The following RBAK variants were observed in gnomAD, a reference collection of about 807,000 sequenced individuals.
RBAK encodes RB-associated KRAB zinc finger protein.
Under a neutral mutation model 65.8 loss-of-function variants are expected in RBAK, and 39 were observed. The ratio of observed to expected loss-of-function variants is 0.59; its 90% confidence interval spans 0.46 to 0.77. RBAK has a LOEUF of 0.77. Among genes scored for constraint, RBAK ranks in the 30% least tolerant of loss-of-function variants. The pLI, the probability that RBAK is intolerant of heterozygous loss-of-function variation, is 0.00. For synonymous variants in RBAK, 343 were observed against 289.7 expected, an observed-to-expected ratio of 1.18 and a Z score of -1.87; for missense variants, 884 against 855.1, an observed-to-expected ratio of 1.03 and a Z score of -0.42.
At chr7:5,063,668 AGTTT>A in intron 4 of RBAK, 23 bp from the exon 5 acceptor site, 2 of 1,519,204 alleles carry the variant, frequency 1.3e-6, no homozygotes. Context: ...AGATTTACAA[AGTTT>A]GTTTACTATT....
intron 2 of RBAK, among the ~76,000 whole-genome samples, chr7:5,052,993 C>T (rs1788150414): frequency 6.6e-6 from 1 of 152,218 alleles, no homozygotes; most frequent in Admixed American, 6.5e-5. Flanking sequence ...CTCCTGACCT[C>T]AGGTGACCTG....
intron 2 of RBAK, among the ~76,000 whole-genome samples, chr7:5,050,333 C>A (rs1255571754): frequency 2.0e-5 from 3 of 152,154 alleles, no homozygotes; most frequent in Admixed American, 6.5e-5. Flanking sequence ...AAAAATATAT[C>A]TTTTATGCCT....
Position 5,064,808 on chromosome 7 carries a change from A to G in RBAK, c.1352A>G (p.His451Arg). 2 of 1,614,146 alleles carry G rather than the reference A, an allele frequency of 1.2e-6. No individual in the cohort carries two copies. The highest frequency in any genetic ancestry group is 1.7e-6 in the Non-Finnish European group (2 of 1,179,966). The change falls in exon 5 of 5, where the codon CAT (histidine) becomes CGT (arginine). Residue 451 changes from histidine (H) to arginine (R), a missense_variant. His to Arg is a conservative substitution (Grantham distance 29). Coordinates refer to ENST00000396912, the MANE Select transcript of RBAK (RefSeq NM_021163.4). The surrounding 1 kb of genome is among the most constrained non-coding windows in gnomAD (Gnocchi z 6.3). ...TACCTCACTATACATTATAGAAGTCATTTAGAAGAGAAACCCTATGAATGT... is the reference window on the plus strand; with the variant it reads ...TACCTCACTATACATTATAGAAGTCGTTTAGAAGAGAAACCCTATGAATGT... ...VSYLTIHYRS[H>R]LEEKPYECNE...
intron 2 of RBAK, among the ~76,000 whole-genome samples, chr7:5,056,628 C>G (rs1788238440): frequency 6.6e-6 from 1 of 152,164 alleles, no homozygotes; most frequent in Admixed American, 6.5e-5. Flanking sequence ...CTGCATTACT[C>G]TAATAACAGC....
chr7:5,057,339 G>T lies in RBAK; in HGVS notation c.60G>T (p.Glu20Asp), dbSNP rs1480202276. ...FKDVAVDFTQ[E>D]EWQQLDPDEK... The stretch of plus-strand genomic sequence containing the variant: ...ATGTGGCTGTGGATTTCACCCAGGA[G>T]GAGTGGCAGCAGCTGGACCCTGATG... The change falls in exon 3 of 5, where the codon GAG becomes GAT. Residue 20 changes from glutamate to aspartate, a missense_variant. Glu to Asp is a conservative substitution (Grantham distance 45, BLOSUM62 2). Transcript: ENST00000396912. The T allele has an allele frequency of 3.7e-6, 6 of 1,613,908 alleles. No individual in the cohort carries two copies. The highest frequency in any genetic ancestry group is 5.1e-6 in the Non-Finnish European group (6 of 1,180,000).
chr7:5,056,104 C>CTTTTTTTTTT (rs887932671), intron 2 of RBAK, among the ~76,000 whole-genome samples: 3 of 107,918 alleles, frequency 2.8e-5, no homozygotes, highest in African/African-American at 3.8e-5. Flanking sequence ...TTGCATTTTT[C>CTTTTTTTTTT]TTTTTTTTTT....
chr7:5,064,920 T>G lies in RBAK; in HGVS notation c.1464T>G (p.Ser488Arg). ...CAGAAGAGAAATCCCATGAATGTAG[T>G]GAATGTGGAAAGTTCTCTCAGTTGT... ...VHTEEKSHECSECGKFSQLYL... is the reference protein window; with the variant it reads ...VHTEEKSHECRECGKFSQLYL... Residue 488 changes from serine (S) to arginine (R), a missense_variant, in exon 5 of 5, where the codon AGT (serine) becomes AGG (arginine). Ser to Arg is a moderately radical substitution (Grantham distance 110). Transcript: ENST00000396912. This position sits in a 1 kb window ranked among gnomAD's most constrained non-coding sequence, Gnocchi z 6.3. The G allele has an allele frequency of 6.2e-7, 1 of 1,614,080 alleles. No homozygotes were observed. Among genetic ancestry groups the G allele is most frequent in the Non-Finnish European group, 8.5e-7 (1 of 1,179,964 alleles).
chr7:5,066,726 G>A lies in RBAK; in HGVS notation c.*1125G>A, dbSNP rs11766355. On this transcript the variant is annotated 3_prime_UTR_variant, in exon 5 of 5. Coordinates refer to ENST00000396912, the MANE Select transcript of RBAK (RefSeq NM_021163.4). ...CTCCATTTCTTGCTGGAACAGTTTAGGTACCTACCACTTCTTCACATGACA... is the reference window on the plus strand; with the variant it reads ...CTCCATTTCTTGCTGGAACAGTTTAAGTACCTACCACTTCTTCACATGACA... The A allele has an allele frequency of 6.6e-6, 1 of 152,062 alleles. No individual in the cohort carries two copies. The allele number at this position is 152,062 out of a possible 1,614,324, so 9.4% of individuals were successfully genotyped here. A position where few individuals can be genotyped will look rare whatever the true frequency, so the allele number is the denominator to read the frequency against.
chr7:5,063,802 A>T lies in RBAK; in HGVS notation c.346A>T (p.Asn116Tyr). The T allele has an allele frequency of 6.2e-7, 1 of 1,613,998 alleles. No homozygotes were observed. The highest frequency in any genetic ancestry group is 8.5e-7 in the Non-Finnish European group (1 of 1,179,920). The change falls in exon 5 of 5, where the codon AAT becomes TAT. Residue 116 changes from asparagine (N) to tyrosine (Y), a missense_variant. By Grantham distance (143) the Asn-to-Tyr change is moderately radical. Transcript: ENST00000396912. ...NSKTLTEEKE[N>Y]TFSQIYMETS... Reference sequence around the variant, plus strand: ...CAAAACCCTGACTGAAGAGAAAGAGAATACATTTAGTCAAATTTACATGGA... The same window carrying T: ...CAAAACCCTGACTGAAGAGAAAGAGTATACATTTAGTCAAATTTACATGGA...
chr7:5,066,808 T>C lies in RBAK; in HGVS notation c.*1207T>C, dbSNP rs1171866662. The stretch of plus-strand genomic sequence containing the variant: ...GATTTCATTCTCTTTGCCAGTAACT[T>C]GTTTTATAGTGGTCATATGACCTGA... On this transcript the variant is annotated 3_prime_UTR_variant, in exon 5 of 5. Coordinates refer to ENST00000396912, the MANE Select transcript of RBAK (RefSeq NM_021163.4). 1 of 152,196 alleles carries C rather than the reference T, an allele frequency of 6.6e-6. No homozygotes were observed. The highest frequency in any genetic ancestry group is 2.4e-5 in the African/African-American group (1 of 41,450). 9.4% of individuals were successfully genotyped at this position (152,196 alleles called of 1,614,324 possible).
chr7:5,064,648 G>A lies in RBAK; in HGVS notation c.1192G>A (p.Glu398Lys), dbSNP rs1779169477. ...TGACCATCAGAGAACTCACACGGGA[G>A]AGAAGCTTTATAAATGTAATGAATG... ...LSDHQRTHTGEKLYKCNECGK... is the reference protein window; with the variant it reads ...LSDHQRTHTGKKLYKCNECGK... The change falls in exon 5 of 5, where the codon GAG becomes AAG. Residue 398 changes from glutamate (E) to lysine (K), a missense_variant. Physicochemically the swap from Glu to Lys is moderately conservative, Grantham distance 56. Transcript: ENST00000396912. The surrounding 1 kb of genome is among the most constrained non-coding windows in gnomAD (Gnocchi z 6.3). 6.2e-7 allele frequency: 1 copy of A among 1,611,882 alleles called. No homozygotes were observed. Among genetic ancestry groups the A allele is most frequent in the Admixed American group, 1.7e-5 (1 of 59,924 alleles).
Position 5,048,824 on chromosome 7 carries a change from C to T in RBAK, c.15+733C>T, listed in dbSNP as rs913137997. 2.8e-4 allele frequency among the ~76,000 whole-genome samples: 42 copies of T among 152,122 alleles called. No individual in the cohort carries two copies. Among genetic ancestry groups the T allele is most frequent in the African/African-American group, 6.3e-4 (26 of 41,410 alleles). ...GTCATGGTGGAAGGCAAAGGGAAAG[C>T]GGGTACATCTTCCATCACCAGAGCA... is the stretch of plus-strand genomic sequence containing the variant. On this transcript the variant is annotated intron_variant, in intron 2 of 4. Coordinates refer to ENST00000396912, the MANE Select transcript of RBAK (RefSeq NM_021163.4). This position sits in a 1 kb window ranked among gnomAD's most constrained non-coding sequence, Gnocchi z 4.4.
chr7:5,064,747 T>G lies in RBAK; in HGVS notation c.1291T>G (p.Cys431Gly), dbSNP rs928491330. Residue 431 changes from cysteine to glycine, a missense_variant, in exon 5 of 5, where the codon TGT becomes GGT. By Grantham distance (159) the Cys-to-Gly change is radical. Transcript: ENST00000396912. The surrounding 1 kb of genome is among the most constrained non-coding windows in gnomAD (Gnocchi z 6.3). ...ACACACGGGAGAGAAGCCCTATCAG[T>G]GTAGCGAGTGTGGGAAATTCTTTTC... ...RTHTGEKPYQ[C>G]SECGKFFSRV... 6 of 1,613,984 alleles carry G rather than the reference T, an allele frequency of 3.7e-6. No homozygotes were observed. The highest frequency in any genetic ancestry group is 1.7e-5 in the Admixed American group (1 of 59,996).
At position 5,046,129 on chromosome 7, in the gene RBAK, G is replaced by A. The variant is rs1787974034; in HGVS notation, c.-312G>A. The A allele has an allele frequency of 3.1e-6, 1 of 324,460 alleles. No homozygotes were observed. Among genetic ancestry groups the A allele is most frequent in the Non-Finnish European group, 5.9e-6 (1 of 169,932 alleles). The allele number at this position is 324,460 out of a possible 1,614,324, so 20.1% of individuals were successfully genotyped here. ...GCGGAGGTGGCGGCGGAGGCGAAGGGGCGGCGGGACGCGGGCCTGGCCCGT... is the reference window on the plus strand; with the variant it reads ...GCGGAGGTGGCGGCGGAGGCGAAGGAGCGGCGGGACGCGGGCCTGGCCCGT... On this transcript the variant is annotated 5_prime_UTR_variant, in exon 1 of 5. Transcript: ENST00000396912.
chr7:5,049,085 C>A (rs547193273), intron 2 of RBAK, among the ~76,000 whole-genome samples: 3 of 152,298 alleles, frequency 2.0e-5, no homozygotes, highest in African/African-American at 7.2e-5. Context: ...TAAGGAGAAA[C>A]CAACTTTGTT....
intron 2 of RBAK, among the ~76,000 whole-genome samples, chr7:5,056,179 C>T (rs1165540276): frequency 5.4e-5 from 8 of 149,300 alleles, no homozygotes; most frequent in Admixed American, 4.7e-4. Context: ...GCATTCACAG[C>T]TCACTGCAGC....
chr7:5,057,143 A>T, intron 2 of RBAK, 152 bp from the exon 3 acceptor site: 5 of 957,544 alleles, frequency 5.2e-6, no homozygotes, highest in Non-Finnish European at 7.4e-6. Flanking sequence ...ACCCCAAAGG[A>T]TATGTGTTTC....
In RBAK at chr7:5,064,775, G is replaced by A. The variant is rs772020268; in HGVS notation, c.1319G>A (p.Arg440Gln). ...QCSECGKFFS[R>Q]VSYLTIHYRS... ...AGCGAGTGTGGGAAATTCTTTTCTC[G>A]GGTGTCATACCTCACTATACATTAT... is the stretch of plus-strand genomic sequence containing the variant. Residue 440 changes from arginine (R) to glutamine (Q), a missense_variant, in exon 5 of 5, where the codon CGG becomes CAG. By Grantham distance (43) the Arg-to-Gln change is conservative (BLOSUM62 1). Coordinates refer to ENST00000396912, the MANE Select transcript of RBAK (RefSeq NM_021163.4). This position sits in a 1 kb window ranked among gnomAD's most constrained non-coding sequence, Gnocchi z 6.3. 9 of 1,613,792 alleles carry A rather than the reference G, an allele frequency of 5.6e-6. No individual in the cohort carries two copies. Among genetic ancestry groups the A allele is most frequent in the South Asian group, 1.1e-5 (1 of 91,070 alleles).
At chr7:5,057,263 A>G (rs540616878) in intron 2 of RBAK, 32 bp from the exon 3 acceptor site, 17 of 1,613,826 alleles carry the variant, frequency 1.1e-5, no homozygotes, top group African/African-American at 4.0e-5. Flanking sequence ...CCTTTTCCGT[A>G]TCTCCCAATT....
Sources: allele counts gnomAD v4.1 joint callset (sites outside exome capture counted in the v4.1 genomes callset), GRCh38; gene constraint gnomAD v4.1.1; non-coding constraint Gnocchi (gnomAD v3.1); transcripts MANE v1.5; gene names NCBI Gene and HGNC (gene_info 2026-07-23, HGNC 2026-07-21).